PARVB: variants seen among roughly 807,000 people sequenced by gnomAD.
PARVB encodes beta-parvin.
In PARVB, 46 loss-of-function variants were observed where a neutral mutation model predicts 47.0. The observed-to-expected ratio is 0.98, with a 90% CI of 0.77 to 1.25. The LOEUF (loss-of-function observed/expected upper bound fraction) is 1.25. Among genes scored for constraint, PARVB ranks in the 50% most tolerant of loss-of-function variants. The probability of loss-of-function intolerance (pLI) is 0.00; values close to 1 mark genes in which losing one functional copy is unlikely to be tolerated. For synonymous variants in PARVB, 196 were observed against 196.3 expected (o/e 1.00, Z 0.01); for missense variants, 473 against 471.6 (o/e 1.00, Z -0.03).
intron 1 of PARVB, among the ~76,000 whole-genome samples, chr22:44,046,021 A>G (rs2051105641): frequency 6.6e-6 from 1 of 152,252 alleles, no homozygotes. Flanking sequence ...ATCTTTAACA[A>G]CACGAAGTCT....
chr22:44,101,327 T>G (rs566977419), intron 3 of PARVB, among the ~76,000 whole-genome samples: 1 of 151,454 alleles, frequency 6.6e-6, no homozygotes, highest in Non-Finnish European at 1.5e-5. Flanking sequence ...GAGAATGGCA[T>G]GAACCCCGGG....
chr22:44,124,879 G>T (rs116700487), intron 4 of PARVB, among the ~76,000 whole-genome samples: 46 of 152,302 alleles, frequency 3.0e-4, no homozygotes, highest in African/African-American at 1.1e-3. Flanking sequence ...AATGGGTAGG[G>T]GGTGGGGTGC....
intron 1 of PARVB, among the ~76,000 whole-genome samples, chr22:44,091,224 G>T (rs1408276008): frequency 2.6e-5 from 4 of 151,428 alleles, no homozygotes; most frequent in African/African-American, 4.9e-5. Context: ...AGTGTGTGCG[G>T]CAGCCAGGCT....
intron 1 of PARVB, among the ~76,000 whole-genome samples, chr22:44,037,639 C>T (rs2050944871): frequency 1.3e-5 from 2 of 152,108 alleles, no homozygotes; most frequent in Non-Finnish European, 2.9e-5. Context: ...GGTCATCCTG[C>T]CAGCAGGTGA....
upstream of PARVB, among the ~76,000 whole-genome samples, chr22:44,023,537 CAAAAT>C (rs869277920): frequency 0.33 from 40,968 of 125,652 alleles, 7,385 homozygotes; most frequent in Non-Finnish European, 0.41. Context: ...TAAAACAAAA[CAAAAT>C]AAAATAAAAT....
intron 3 of PARVB, chr22:44,115,677 T>G (rs1330433822): frequency 7.9e-5 from 4 of 50,510 alleles, no homozygotes; most frequent in Non-Finnish European, 1.4e-4. Context: ...TGTTACTAAG[T>G]AAGGCCCTGC....
In PARVB at chr22:44,133,001, G is replaced by T; in HGVS notation, c.625G>T (p.Val209Phe). 2 of 1,612,560 alleles carry T rather than the reference G, an allele frequency of 1.2e-6. No homozygotes were observed. Among genetic ancestry groups the T allele is most frequent in the Non-Finnish European group, 1.7e-6 (2 of 1,178,960 alleles). Residue 209 changes from valine to phenylalanine, a missense_variant, in exon 6 of 13, where the codon GTC (valine) becomes TTC (phenylalanine). Physicochemically the swap from Val to Phe is conservative, Grantham distance 50. Coordinates refer to ENST00000338758, the MANE Select transcript of PARVB (RefSeq NM_013327.5). ...TGAGCATGTAACGGTGCAGGTGGTG[G>T]TCGTGCGGGTGAGTATAACCGAGTG... is the stretch of plus-strand genomic sequence containing the variant. ...LPEHVTVQVV[V>F]VRKREGLLHS...
At chr22:44,122,487 C>T (rs1414919955) in intron 4 of PARVB, among the ~76,000 whole-genome samples, 1 of 64,412 alleles carries the variant, frequency 1.6e-5, no homozygotes, top group Non-Finnish European at 3.2e-5. Flanking sequence ...CCCTGTCGAT[C>T]AAGAGAGAGA....
At chr22:44,115,453 A>G (rs1384638508) in intron 3 of PARVB, 4 of 121,684 alleles carry the variant, frequency 3.3e-5, no homozygotes, top group Non-Finnish European at 5.2e-5. Flanking sequence ...ATTGTTACTA[A>G]GTAAGGCCCT....
intron 1 of PARVB, among the ~76,000 whole-genome samples, chr22:44,025,350 G>A (rs971358438): frequency 3.3e-5 from 5 of 152,064 alleles, no homozygotes; most frequent in African/African-American, 1.2e-4. Flanking sequence ...TGTACCCCGG[G>A]ATGCAGGTCC....
At chr22:44,043,642 G>T (rs1186330481) in intron 1 of PARVB, among the ~76,000 whole-genome samples, 1 of 152,310 alleles carries the variant, frequency 6.6e-6, no homozygotes, top group Non-Finnish European at 1.5e-5. Context: ...CTCCCAAAGT[G>T]CTGGGATTAC....
intron 1 of PARVB, among the ~76,000 whole-genome samples, chr22:44,029,281 G>A (rs1015577558): frequency 5.9e-5 from 9 of 152,116 alleles, no homozygotes; most frequent in African/African-American, 2.2e-4. Context: ...CACAGTGCCC[G>A]GCCTTGGCCT....
At chr22:44,030,779 T>G (rs1274492503) in intron 1 of PARVB, among the ~76,000 whole-genome samples, 1 of 151,396 alleles carries the variant, frequency 6.6e-6, no homozygotes, top group Non-Finnish European at 1.5e-5. Flanking sequence ...TTGCAAGGAG[T>G]GTGGTCTCTT....
At chr22:44,061,731 C>T (rs2051423873) in intron 1 of PARVB, among the ~76,000 whole-genome samples, 1 of 151,950 alleles carries the variant, frequency 6.6e-6, no homozygotes, top group East Asian at 2.0e-4. Flanking sequence ...ATTCTCCAGC[C>T]TCAGCCTCCC....
In PARVB at chr22:44,140,152, C is replaced by T. The variant is rs758874179; in HGVS notation, c.712+9C>T. The T allele has an allele frequency of 6.2e-6, 10 of 1,613,750 alleles. No individual in the cohort carries two copies. In the South Asian group the frequency reaches 6.6e-5, roughly 11 times the overall value. On this transcript the variant is annotated intron_variant, in intron 8 of 12. Coordinates refer to ENST00000338758, the MANE Select transcript of PARVB (RefSeq NM_013327.5). ...GATGATGGGCCGGTTCGGTAAGTAA[C>T]CCCAGGGAAAGTGGGGAGATGGAGG...
chr22:44,069,303 G>A (rs2051601553), intron 1 of PARVB: 5 of 761,936 alleles, frequency 6.6e-6, no homozygotes, highest in South Asian at 1.6e-5. Flanking sequence ...GGAAGGTGAT[G>A]GGGACGTTGG....
chr22:44,073,200 C>T (rs977541477), intron 1 of PARVB, among the ~76,000 whole-genome samples: 1 of 152,124 alleles, frequency 6.6e-6, no homozygotes. Flanking sequence ...AATTTAAAGT[C>T]AGAAGTGGGC....
intron 9 of PARVB, chr22:44,148,197 C>T (rs2053728682): frequency 4.1e-6 from 2 of 489,456 alleles, no homozygotes; most frequent in Admixed American, 3.3e-5. Context: ...GACTCGAGAC[C>T]TTTTTTCAAT....
chr22:44,168,757 G>A lies in PARVB; in HGVS notation c.*79G>A. The stretch of plus-strand genomic sequence containing the variant: ...TCTGTGCCCTGTGCCTTTCCAGGGA[G>A]CCAGGCGCCATGGGCTTCTGGTCCA... On this transcript the variant is annotated 3_prime_UTR_variant, in exon 13 of 13. Coordinates refer to ENST00000338758, the MANE Select transcript of PARVB (RefSeq NM_013327.5). 4.0e-6 allele frequency: 4 copies of A among 1,006,988 alleles called. No individual in the cohort carries two copies. In the South Asian group the frequency reaches 5.2e-5, roughly 13 times the overall value. 62.4% of individuals were successfully genotyped at this position (1,006,988 alleles called of 1,614,324 possible).
Sources: gnomAD v4.1 joint callset for allele counts (sites outside exome capture counted in the v4.1 genomes callset) on GRCh38, gnomAD v4.1.1 for gene constraint, MANE v1.5 for transcripts, NCBI Gene and HGNC (gene_info 2026-07-23, HGNC 2026-07-21) for gene names.